Variants in TANGO6 observed in about 807,000 individuals in gnomAD.
TANGO6 encodes the protein transport and Golgi organization protein 6 homolog.
TANGO6 carries 90 observed loss-of-function variants against 114.2 expected under a neutral mutation model. That is an observed-to-expected ratio of 0.79 (90% CI 0.66 to 0.94). The LOEUF (loss-of-function observed/expected upper bound fraction) is 0.94. TANGO6 is among the 40% of genes least tolerant of loss of function. The pLI is 0.00. For missense variants in TANGO6, 1,274 were observed against 1,315.3 expected, an observed-to-expected ratio of 0.97 and a Z score of 0.49; for synonymous variants, 477 against 509.8, an observed-to-expected ratio of 0.94 and a Z score of 0.87.
intron 7 of TANGO6, 132 bp downstream of exon 7, chr16:68,880,762 C>T (rs576420152): frequency 4.5e-5 from 22 of 489,578 alleles, no homozygotes; most frequent in South Asian, 1.9e-4. Context: ...TGGCCTCAAG[C>T]GATCCTCCTT....
At position 68,900,554 on chromosome 16, in the gene TANGO6, A is replaced by G. The variant is rs1212878613; in HGVS notation, c.1490+8A>G. On this transcript the variant is annotated splice_region_variant and intron_variant, in intron 8 of 17. Transcript: ENST00000261778. The stretch of plus-strand genomic sequence containing the variant: ...GAGTGTGTCTCACATAAGGTAAACA[A>G]TCAAGGGACCCTTATTTGTTTATAA... 6.3e-7 allele frequency: 1 copy of G among 1,584,378 alleles called. No homozygotes were observed.
intron 7 of TANGO6, among the ~76,000 whole-genome samples, chr16:68,882,272 A>T (rs1304587734): frequency 6.6e-6 from 1 of 151,740 alleles, no homozygotes; most frequent in African/African-American, 2.4e-5. Context: ...CGAGGCGGGC[A>T]GATCACGAGG....
At chr16:68,884,230 G>A (rs2152172917) in intron 7 of TANGO6, among the ~76,000 whole-genome samples, 1 of 152,224 alleles carries the variant, frequency 6.6e-6, no homozygotes, top group African/African-American at 2.4e-5. Flanking sequence ...TATTTGTAAA[G>A]TGAAATGTTT....
chr16:68,918,960 G>A, intron 11 of TANGO6, 125 bp from the exon 12 acceptor site: 1 of 1,170,544 alleles, frequency 8.5e-7, no homozygotes, highest in South Asian at 1.6e-5. Flanking sequence ...AGTAGCAGTT[G>A]TTCTGGATGG....
At chr16:69,067,207 A>T (rs965939355) in intron 17 of TANGO6, among the ~76,000 whole-genome samples, 13 of 151,134 alleles carry the variant, frequency 8.6e-5, no homozygotes, top group Admixed American at 3.3e-4. Flanking sequence ...TACAAAAAAA[A>T]TTTTTTTTTT....
intron 17 of TANGO6, among the ~76,000 whole-genome samples, chr16:69,077,356 G>A (rs1035836776): frequency 1.3e-5 from 2 of 152,096 alleles, no homozygotes; most frequent in Non-Finnish European, 2.9e-5. Flanking sequence ...ACTGCAGGTC[G>A]CAACCCTAGT....
chr16:68,940,398 T>G (rs569656836), intron 14 of TANGO6, among the ~76,000 whole-genome samples: 15 of 152,074 alleles, frequency 9.9e-5, no homozygotes, highest in African/African-American at 3.4e-4. Context: ...TCAATAACAG[T>G]TATTGACTGT....
At chr16:69,072,328 G>T (rs1280329150) in intron 17 of TANGO6, among the ~76,000 whole-genome samples, 1 of 152,060 alleles carries the variant, frequency 6.6e-6, no homozygotes, top group South Asian at 2.1e-4. Flanking sequence ...GCTTTCCTGT[G>T]AATGAGACGC....
intron 15 of TANGO6, among the ~76,000 whole-genome samples, chr16:68,988,157 C>T (rs1963913877): frequency 1.3e-5 from 2 of 152,274 alleles, no homozygotes; most frequent in South Asian, 2.1e-4. Flanking sequence ...TTTCTCCCTC[C>T]CCATTCTCTT....
intron 15 of TANGO6, among the ~76,000 whole-genome samples, chr16:69,012,968 G>A (rs1959226656): frequency 6.6e-6 from 1 of 152,186 alleles, no homozygotes; most frequent in Non-Finnish European, 1.5e-5. Flanking sequence ...GATAATAGTG[G>A]TTTTGTTGCC....
rs112763486 is a variant in TANGO6 at position 69,058,832 on chromosome 16, A to AT, written c.3108+18418dup. On this transcript the variant is annotated intron_variant, in intron 17 of 17. Transcript: ENST00000261778. ...AGGCGCCCGCCACCACACCTGGCTAATTTTTTTGTATTTTTAGTAGAGATA... is the reference window on the plus strand; with the variant it reads ...AGGCGCCCGCCACCACACCTGGCTAATTTTTTTTGTATTTTTAGTAGAGATA... Among the ~76,000 whole-genome samples the AT allele has an allele frequency of 3.9e-3, 591 of 150,308 alleles. 3 individuals carry two copies. Among genetic ancestry groups the AT allele is most frequent in the Non-Finnish European group, 6.0e-3 (408 of 67,646 alleles).
chr16:68,882,754 C>T (rs754942714), intron 7 of TANGO6, among the ~76,000 whole-genome samples: 10 of 152,030 alleles, frequency 6.6e-5, no homozygotes, highest in Non-Finnish European at 8.8e-5. Flanking sequence ...CACGATGGCT[C>T]ATGCCTGTAA....
chr16:69,039,036 T>G (rs1398825211), intron 16 of TANGO6, among the ~76,000 whole-genome samples: 1 of 152,058 alleles, frequency 6.6e-6, no homozygotes, highest in Non-Finnish European at 1.5e-5. Context: ...ATACAAAAAA[T>G]TAGCCAGGTG....
chr16:69,073,620 G>A (rs1960328756), intron 17 of TANGO6, among the ~76,000 whole-genome samples: 1 of 152,126 alleles, frequency 6.6e-6, no homozygotes, highest in South Asian at 2.1e-4. Flanking sequence ...CATGCGGCCA[G>A]CCTCAGGAAA....
rs374827702 is a variant in TANGO6, at chr16:68,927,807, T to C, written c.2367T>C (p.Asp789=). The change falls in exon 13 of 18, where the codon GAT becomes GAC. Residue 789 remains aspartate (D), a synonymous_variant. Coordinates refer to ENST00000261778, the MANE Select transcript of TANGO6 (RefSeq NM_024562.2). ...QQQTSHERPT[D]VAHSHLEQQQ... ...AAACCAGTCATGAAAGACCCACTGATGTAGCTCATAGCCACCTTGAACAAC... is the reference window on the plus strand; with the variant it reads ...AAACCAGTCATGAAAGACCCACTGACGTAGCTCATAGCCACCTTGAACAAC... The C allele has an allele frequency of 1.5e-4, 236 of 1,614,012 alleles. No individual in the cohort carries two copies. The highest frequency in any genetic ancestry group is 4.2e-4 in the Admixed American group (25 of 60,028).
At chr16:68,848,879 G>A (rs57150074) in intron 1 of TANGO6, among the ~76,000 whole-genome samples, 16,702 of 151,888 alleles carry the variant, frequency 0.11, 935 homozygotes, top group Non-Finnish European at 0.13. Flanking sequence ...GGCTCTTGGG[G>A]TTTTTGACAT....
At chr16:69,013,620 A>G (rs1959232188) in intron 15 of TANGO6, among the ~76,000 whole-genome samples, 1 of 149,310 alleles carries the variant, frequency 6.7e-6, no homozygotes, top group Non-Finnish European at 1.5e-5. Flanking sequence ...CTGTCTCCAA[A>G]AAAAAAAAAA....
rs766706508 is a variant in TANGO6, at chr16:68,994,576, A to AT, written c.2842+20423dup. 9.9e-3 allele frequency among the ~76,000 whole-genome samples: 1,392 copies of AT among 141,210 alleles called. 10 individuals carry two copies. The highest frequency in any genetic ancestry group is 0.024 in the African/African-American group (920 of 38,630). 92.6% of individuals were successfully genotyped at this position (141,210 alleles called of 152,430 possible). A position where few individuals can be genotyped will look rare whatever the true frequency, so the allele number is the denominator to read the frequency against. The stretch of plus-strand genomic sequence containing the variant: ...CTCCTATTGTGTGGCCATTCCTGGG[A>AT]TTTTTTTTTTTTTTTAAAGACTGGT... On this transcript the variant is annotated intron_variant, in intron 15 of 17. Coordinates refer to ENST00000261778, the MANE Select transcript of TANGO6 (RefSeq NM_024562.2).
At chr16:69,043,618 T>G (rs949605341) in intron 17 of TANGO6, among the ~76,000 whole-genome samples, 2 of 152,192 alleles carry the variant, frequency 1.3e-5, no homozygotes, top group Non-Finnish European at 2.9e-5. Context: ...GGTACATCCT[T>G]GAGACCAGGT....
Sources: gnomAD v4.1 joint callset for allele counts (sites outside exome capture counted in the v4.1 genomes callset) on GRCh38, gnomAD v4.1.1 for gene constraint, MANE v1.5 for transcripts, NCBI Gene and HGNC (gene_info 2026-07-23, HGNC 2026-07-21) for gene names.